Variants in CMTM7 observed in about 807,000 individuals in gnomAD.
The protein encoded by CMTM7 is CKLF like MARVEL transmembrane domain containing 7, also known as CKLF-like MARVEL transmembrane domain-containing protein 7.
In CMTM7, 7 loss-of-function variants were observed where a neutral mutation model predicts 19.3. The ratio of observed to expected loss-of-function variants is 0.36; its 90% CI spans 0.21 to 0.68. CMTM7 has a LOEUF of 0.68. Among genes scored for constraint, CMTM7 ranks in the 30% least tolerant of loss-of-function variants. The probability of loss-of-function intolerance (pLI) is 0.60; values close to 1 mark genes in which losing one functional copy is unlikely to be tolerated. For missense variants in CMTM7, 193 were observed against 232.6 expected (o/e 0.83, Z 1.11); for synonymous variants, 87 against 99.3 (o/e 0.88, Z 0.74).
chr3:32,428,271 G>A (rs1401340903), intron 1 of CMTM7, among the ~76,000 whole-genome samples: 1 of 152,166 alleles, frequency 6.6e-6, no homozygotes, highest in African/African-American at 2.4e-5. Context: ...CATTGCCAGA[G>A]GTGGCCAGAG....
intron 1 of CMTM7, among the ~76,000 whole-genome samples, chr3:32,423,902 G>A (rs1696383183): frequency 1.3e-5 from 2 of 152,174 alleles, no homozygotes; most frequent in African/African-American, 4.8e-5. Context: ...CAGCTTCCCT[G>A]TGCAAAGAAT....
At chr3:32,444,401 T>C (rs965310685) in intron 2 of CMTM7, among the ~76,000 whole-genome samples, 3 of 152,254 alleles carry the variant, frequency 2.0e-5, no homozygotes, top group African/African-American at 7.2e-5. Flanking sequence ...CTCTCAATTC[T>C]ATTCCATTGA....
intron 2 of CMTM7, among the ~76,000 whole-genome samples, chr3:32,442,431 C>T (rs1229613788): frequency 6.5e-5 from 9 of 138,690 alleles, no homozygotes; most frequent in Admixed American, 3.1e-4. Context: ...ACCCGGGAGG[C>T]GGAGCTTGCA....
In CMTM7 at chr3:32,429,206, G is replaced by A. The variant is rs112058021; in HGVS notation, c.160-12634G>A. Reference sequence around the variant, plus strand: ...TTCCTCTCATGCCTTTATGGGAAGAGTGATGACTGCAAATCTGAATCCTTT... The same window carrying A: ...TTCCTCTCATGCCTTTATGGGAAGAATGATGACTGCAAATCTGAATCCTTT... On this transcript the variant is annotated intron_variant, in intron 1 of 4. Transcript: ENST00000334983. Among the ~76,000 whole-genome samples the A allele has an allele frequency of 4.0e-3, 607 of 152,060 alleles. 2 individuals carry two copies. Among genetic ancestry groups the A allele is most frequent in the African/African-American group, 0.014 (582 of 41,456 alleles).
chr3:32,426,423 C>T (rs769495211), intron 1 of CMTM7, among the ~76,000 whole-genome samples: 27 of 151,994 alleles, frequency 1.8e-4, no homozygotes, highest in Non-Finnish European at 3.7e-4. Flanking sequence ...ATTTTTAATA[C>T]AGAATTTTAA....
At chr3:32,416,361 ATTTTTTTTTTTTTTTTTT>A (rs58085712) in intron 1 of CMTM7, among the ~76,000 whole-genome samples, 65 of 72,420 alleles carry the variant, frequency 9.0e-4, no homozygotes, top group African/African-American at 3.6e-3. Context: ...ATCCGGGCTA[ATTTTTTTTTTTTTTTTTT>A]TTTTTTTTTT....
chr3:32,395,617 GACA>G (rs757824599), intron 1 of CMTM7, among the ~76,000 whole-genome samples: 1 of 152,214 alleles, frequency 6.6e-6, no homozygotes, highest in African/African-American at 2.4e-5. Context: ...CCACGGAGAT[GACA>G]ACAATAGAAA....
At chr3:32,447,633 A>G (rs943728737) in intron 2 of CMTM7, among the ~76,000 whole-genome samples, 4 of 152,000 alleles carry the variant, frequency 2.6e-5, no homozygotes, top group African/African-American at 9.7e-5. Context: ...TACGTTTATA[A>G]TTGTTATATC....
chr3:32,407,989 ATTAAG>A (rs1396148738), intron 1 of CMTM7, among the ~76,000 whole-genome samples: 3 of 152,284 alleles, frequency 2.0e-5, no homozygotes, highest in East Asian at 1.9e-4. Context: ...CTCACATGTA[ATTAAG>A]TTAAGGATCT....
At chr3:32,452,099 G>A in intron 3 of CMTM7, 10 of 1,425,852 alleles carry the variant, frequency 7.0e-6, no homozygotes, top group Non-Finnish European at 9.3e-6. Flanking sequence ...GCCCCAGCTT[G>A]CTTGTAAATG....
chr3:32,399,263 G>GTTT (rs796825427), intron 1 of CMTM7, among the ~76,000 whole-genome samples: 8,120 of 128,354 alleles, frequency 0.063, 773 homozygotes, highest in African/African-American at 0.21. Context: ...GGAACCTTTT[G>GTTT]TTTTTTTTTT....
intron 1 of CMTM7, among the ~76,000 whole-genome samples, chr3:32,414,156 G>A (rs1368450190): frequency 1.3e-5 from 2 of 152,138 alleles, no homozygotes; most frequent in Admixed American, 1.3e-4. Flanking sequence ...ATCTCTTGGA[G>A]AGCACTCCCC....
In CMTM7 at chr3:32,454,408, C is replaced by T; in HGVS notation, c.*154C>T. The T allele has an allele frequency of 6.6e-6, 6 of 910,946 alleles. No homozygotes were observed. The highest frequency in any genetic ancestry group is 1.1e-5 in the Non-Finnish European group (6 of 563,868). 56.4% of individuals were successfully genotyped at this position (910,946 alleles called of 1,614,324 possible). On this transcript the variant is annotated 3_prime_UTR_variant, in exon 5 of 5. Transcript: ENST00000334983. ...ACCCTCTTCCTGCTCTCCCAGGAAG[C>T]CAGCTCCCTGAGCTCCTGAGCCAGC... is the stretch of plus-strand genomic sequence containing the variant.
chr3:32,407,442 G>T (rs752042766), intron 1 of CMTM7, among the ~76,000 whole-genome samples: 2 of 152,168 alleles, frequency 1.3e-5, no homozygotes, highest in Non-Finnish European at 2.9e-5. Flanking sequence ...TTTTATGGGA[G>T]AGTTACAAGA....
chr3:32,397,792 T>C (rs1368745319), intron 1 of CMTM7, among the ~76,000 whole-genome samples: 1 of 152,124 alleles, frequency 6.6e-6, no homozygotes, highest in Non-Finnish European at 1.5e-5. Context: ...TGACCAAGAC[T>C]GCCCAACCCC....
intron 4 of CMTM7, 70 bp from the exon 5 acceptor site, chr3:32,454,171 C>T (rs1696875803): frequency 6.5e-7 from 1 of 1,531,054 alleles, no homozygotes; most frequent in Non-Finnish European, 8.9e-7. Flanking sequence ...TGGAGTCAAA[C>T]CTGTGGAGTG....
chr3:32,395,908 CAACTAA>C (rs1265616422), intron 1 of CMTM7, among the ~76,000 whole-genome samples: 1 of 151,920 alleles, frequency 6.6e-6, no homozygotes, highest in Non-Finnish European at 1.5e-5. Context: ...GTATAAACAG[CAACTAA>C]AACTAAGTGC....
intron 2 of CMTM7, among the ~76,000 whole-genome samples, chr3:32,442,397 G>A (rs1447934683): frequency 6.6e-6 from 1 of 150,748 alleles, no homozygotes; most frequent in Non-Finnish European, 1.5e-5. Context: ...TACTCAGAGA[G>A]GCTGAGGCAG....
chr3:32,397,083 G>A (rs1695929408), intron 1 of CMTM7, among the ~76,000 whole-genome samples: 1 of 152,148 alleles, frequency 6.6e-6, no homozygotes, highest in Non-Finnish European at 1.5e-5. Flanking sequence ...TGGATCTCGT[G>A]CAGAAAAAAC....
Sources: allele counts gnomAD v4.1 joint callset (sites outside exome capture counted in the v4.1 genomes callset), GRCh38; gene constraint gnomAD v4.1.1; transcripts MANE v1.5; gene names NCBI Gene and HGNC (gene_info 2026-07-23, HGNC 2026-07-21).